SLC6A11: variants seen among roughly 807,000 people sequenced by gnomAD.
SLC6A11 encodes the protein sodium- and chloride-dependent GABA transporter 3.
Under a neutral mutation model 74.8 loss-of-function variants are expected in SLC6A11, and 25 were observed. That is an observed-to-expected ratio of 0.33 (90% CI 0.24 to 0.47). The LOEUF (loss-of-function observed/expected upper bound fraction) is 0.47. Ranked by LOEUF, SLC6A11 falls within the 20% of genes least tolerant of loss-of-function variation. SLC6A11 has a pLI of 1.00. For missense variants in SLC6A11, 574 were observed against 837.0 expected, an observed-to-expected ratio of 0.69 and a Z score of 3.88; for synonymous variants, 330 against 330.2, an observed-to-expected ratio of 1.00 and a Z score of 0.01.
chr3:10,819,120 G>T (rs988426537), intron 1 of SLC6A11, among the ~76,000 whole-genome samples: 1 of 152,214 alleles, frequency 6.6e-6, no homozygotes, highest in Non-Finnish European at 1.5e-5. Context: ...GAATGAATTT[G>T]ACCCACGCTG....
intron 6 of SLC6A11, among the ~76,000 whole-genome samples, chr3:10,903,371 C>T (rs1695263839): frequency 6.6e-6 from 1 of 152,162 alleles, no homozygotes; most frequent in South Asian, 2.1e-4. Flanking sequence ...TAGGCGGGAC[C>T]CTGGCCCCTA....
chr3:10,922,773 A>G (rs572754704), intron 8 of SLC6A11, among the ~76,000 whole-genome samples: 38 of 152,310 alleles, frequency 2.5e-4, no homozygotes, highest in African/African-American at 8.9e-4. Context: ...ACTGTACTAC[A>G]AATGAAAACT....
chr3:10,865,222 T>C (rs1280095111), intron 5 of SLC6A11, among the ~76,000 whole-genome samples: 2 of 152,244 alleles, frequency 1.3e-5, no homozygotes, highest in South Asian at 2.1e-4. Context: ...TCATTTGAAA[T>C]AGGCATTATC....
At chr3:10,833,592 G>A (rs1905757) in intron 4 of SLC6A11, among the ~76,000 whole-genome samples, 13,024 of 152,188 alleles carry the variant, frequency 0.086, 887 homozygotes, top group Admixed American at 0.24. Flanking sequence ...GTGCCGTGCC[G>A]TGGTGTGGTG....
Position 10,918,526 on chromosome 3 carries a change from ATCT to A in SLC6A11, c.1120+76_1120+78del. On this transcript the variant is annotated intron_variant, in intron 8 of 13. Transcript: ENST00000254488. This position sits in a 1 kb window ranked among gnomAD's most constrained non-coding sequence, Gnocchi z 4.5. ...GAGTGATGGTCATCATGGAAATGCG[ATCT>A]TCCTCCTCGGCTCACACATCTCCTG... 1.6e-5 allele frequency: 25 copies of A among 1,518,964 alleles called. No homozygotes were observed. Among genetic ancestry groups the A allele is most frequent in the Non-Finnish European group, 2.2e-5 (25 of 1,128,172 alleles). The allele number at this position is 1,518,964 out of a possible 1,614,324, so 94.1% of individuals were successfully genotyped here. A position where few individuals can be genotyped will look rare whatever the true frequency, so the allele number is the denominator to read the frequency against.
In SLC6A11 at chr3:10,912,146, T is replaced by C. The variant is rs1695396152; in HGVS notation, c.948T>C (p.Cys316=). The C allele has an allele frequency of 6.2e-7, 1 of 1,614,008 alleles. No homozygotes were observed. The highest frequency in any genetic ancestry group is 2.2e-5 in the East Asian group (1 of 44,870). ...TCTCCTATGCCATTTGCCTGGGCTG[T>C]CTGACCGCTCTGGGAAGTTATAACA... ...IFFSYAICLG[C]LTALGSYNNY... Residue 316 remains cysteine, a synonymous_variant, in exon 7 of 14, where the codon TGT becomes TGC. Transcript: ENST00000254488.
chr3:10,887,410 A>G (rs1260853793), intron 6 of SLC6A11, among the ~76,000 whole-genome samples: 2 of 152,174 alleles, frequency 1.3e-5, no homozygotes, highest in East Asian at 1.9e-4. Flanking sequence ...TTTCAGTCAC[A>G]TGTCCTGGAA....
chr3:10,879,460 C>A (rs1489045995), intron 6 of SLC6A11, among the ~76,000 whole-genome samples: 1 of 152,264 alleles, frequency 6.6e-6, no homozygotes, highest in Admixed American at 6.5e-5. Context: ...GCAAGAAGCA[C>A]TGGTTTCCAT....
intron 8 of SLC6A11, among the ~76,000 whole-genome samples, chr3:10,925,004 C>G (rs1695584082): frequency 6.6e-6 from 1 of 152,086 alleles, no homozygotes; most frequent in African/African-American, 2.4e-5. Flanking sequence ...CAAAACTAGT[C>G]CGAGGACGAA....
At chr3:10,873,385 G>GCTATCCTATCCTATCCTATCC (rs1694850882) in intron 5 of SLC6A11, among the ~76,000 whole-genome samples, 1 of 118,818 alleles carries the variant, frequency 8.4e-6, no homozygotes, top group African/African-American at 3.4e-5. Flanking sequence ...CTTCATTATT[G>GCTATCCTATCCTATCCTATCC]TATCCTATCC....
chr3:10,890,918 C>G (rs532829476), intron 6 of SLC6A11, among the ~76,000 whole-genome samples: 16 of 152,266 alleles, frequency 1.1e-4, no homozygotes, highest in African/African-American at 3.8e-4. Context: ...AACTTGGATG[C>G]CCATATTGCA....
rs1257699807 is a variant in SLC6A11, at chr3:10,933,598, A to G, written c.1474+345A>G. 2.6e-5 allele frequency among the ~76,000 whole-genome samples: 4 copies of G among 152,182 alleles called. No homozygotes were observed. The East Asian group carries it at 7.7e-4, about 29-fold the overall frequency. On this transcript the variant is annotated intron_variant, in intron 11 of 13. Transcript: ENST00000254488. ...GCCTGCATGGTGCCTGGCCTTCCATAGACAACCACCTCAGGTCCTCCTGCT... is the reference window on the plus strand; with the variant it reads ...GCCTGCATGGTGCCTGGCCTTCCATGGACAACCACCTCAGGTCCTCCTGCT...
chr3:10,830,365 A>G (rs1018891262), intron 4 of SLC6A11, among the ~76,000 whole-genome samples: 1 of 152,116 alleles, frequency 6.6e-6, no homozygotes, highest in African/African-American at 2.4e-5. Flanking sequence ...CTAAGGGGAG[A>G]CTTTACTGAA....
chr3:10,927,367 A>G (rs926614619), intron 9 of SLC6A11, among the ~76,000 whole-genome samples: 2 of 152,028 alleles, frequency 1.3e-5, no homozygotes, highest in African/African-American at 4.8e-5. Context: ...TCTGGCACAA[A>G]AAGTGGCGGC....
rs80097012 is a variant in SLC6A11 at position 10,887,123 on chromosome 3, G to A, written c.891+12028G>A. Among the ~76,000 whole-genome samples the A allele has an allele frequency of 5.6e-3, 845 of 151,880 alleles. 8 individuals carry two copies. The highest frequency in any genetic ancestry group is 0.019 in the African/African-American group (798 of 41,386). On this transcript the variant is annotated intron_variant, in intron 6 of 13. Transcript: ENST00000254488. ...TGGATGGATGGATGGATGGATGGAA[G>A]GAAGGATGCACAGATAGATGATAGA...
intron 5 of SLC6A11, among the ~76,000 whole-genome samples, chr3:10,873,780 G>GTCCTATCCTA (rs879748167): frequency 2.0e-4 from 25 of 126,582 alleles, no homozygotes; most frequent in Middle Eastern, 4.6e-3. Flanking sequence ...GTCCTGTCCT[G>GTCCTATCCTA]TCCTATCCTA....
chr3:10,894,907 A>G (rs950014324), intron 6 of SLC6A11, among the ~76,000 whole-genome samples: 2 of 152,200 alleles, frequency 1.3e-5, no homozygotes, highest in Admixed American at 1.3e-4. Context: ...AAATATATAG[A>G]ATTTTTGTCA....
At chr3:10,882,830 A>T (rs1427844906) in intron 6 of SLC6A11, among the ~76,000 whole-genome samples, 1 of 152,204 alleles carries the variant, frequency 6.6e-6, no homozygotes, top group Non-Finnish European at 1.5e-5. Context: ...TCTGGGCTCC[A>T]GGTTCTCACC....
At chr3:10,835,561 TCTC>T in intron 4 of SLC6A11, among the ~76,000 whole-genome samples, 1 of 152,088 alleles carries the variant, frequency 6.6e-6, no homozygotes, top group South Asian at 2.1e-4. Context: ...TTAGATTCAC[TCTC>T]CTCCCCACAC....
Sources: allele counts gnomAD v4.1 joint callset (sites outside exome capture counted in the v4.1 genomes callset), GRCh38; gene constraint gnomAD v4.1.1; non-coding constraint Gnocchi (gnomAD v3.1); transcripts MANE v1.5; gene names NCBI Gene and HGNC (gene_info 2026-07-23, HGNC 2026-07-21).